Variants in GRM5 observed in about 807,000 individuals in gnomAD.
The protein encoded by GRM5 is glutamate metabotropic receptor 5.
A neutral mutation model predicts 83.1 loss-of-function variants in GRM5; 19 were observed. That is an observed-to-expected ratio of 0.23 (90% CI 0.16 to 0.34). The LOEUF (loss-of-function observed/expected upper bound fraction) is 0.34, where lower values mean the gene tolerates loss of function less well. GRM5 is among the 10% of genes least tolerant of loss of function. GRM5 has a pLI of 1.00. For missense variants in GRM5, 1,160 were observed against 1,588.3 expected, an observed-to-expected ratio of 0.73 and a Z score of 4.58; for synonymous variants, 675 against 633.6, an observed-to-expected ratio of 1.07 and a Z score of -0.98.
At chr11:88,628,725 A>G (rs924970926) in intron 4 of GRM5, among the ~76,000 whole-genome samples, 4 of 152,230 alleles carry the variant, frequency 2.6e-5, no homozygotes, top group African/African-American at 9.6e-5. Context: ...AATTAACAGT[A>G]GCTGCTATGA....
At chr11:88,695,289 G>GA (rs931810063) in intron 3 of GRM5, among the ~76,000 whole-genome samples, 34 of 150,860 alleles carry the variant, frequency 2.3e-4, no homozygotes, top group Admixed American at 1.6e-3. Flanking sequence ...CTTAGATGTT[G>GA]AAAAAAAAAG....
At position 88,508,963 on chromosome 11, in the gene GRM5, C is replaced by T; in HGVS notation, c.3268G>A (p.Gly1090Ser). The T allele has an allele frequency of 6.3e-7, 1 of 1,590,356 alleles. No individual in the cohort carries two copies. Among genetic ancestry groups the T allele is most frequent in the South Asian group, 1.1e-5 (1 of 87,236 alleles). The change falls in exon 10 of 10, where the codon GGC becomes AGC. Residue 1090 changes from glycine to serine, a missense_variant. By Grantham distance (56) the Gly-to-Ser change is moderately conservative. Coordinates refer to ENST00000305447, the MANE Select transcript of GRM5 (RefSeq NM_001143831.3). This position sits in a 1 kb window ranked among gnomAD's most constrained non-coding sequence, Gnocchi z 4.2. ...AGGTAGGACGAGCAGAGCGGGGCGC[C>T]GACGCCGGGGCTGGGGGCCGCGGTG... ...LSTAAPSPGV[G>S]APLCSSYLIP...
intron 3 of GRM5, among the ~76,000 whole-genome samples, chr11:88,668,980 A>G (rs1940123096): frequency 6.6e-6 from 1 of 152,178 alleles, no homozygotes; most frequent in South Asian, 2.1e-4. Context: ...AAGTGGTGCA[A>G]CCACTATGGA....
At chr11:88,693,607 C>T (rs543548460) in intron 3 of GRM5, among the ~76,000 whole-genome samples, 13 of 152,310 alleles carry the variant, frequency 8.5e-5, no homozygotes, top group African/African-American at 2.4e-4. Flanking sequence ...CCACCGATCA[C>T]GGTACTAGGA....
chr11:89,060,924 TTCAC>T (rs1286354814), intron 1 of GRM5, among the ~76,000 whole-genome samples: 35 of 152,176 alleles, frequency 2.3e-4, no homozygotes, highest in African/African-American at 8.0e-4. Context: ...TCTCCTAAGC[TTCAC>T]TCACTGACTA....
At chr11:88,926,912 A>G (rs1022790230) in intron 2 of GRM5, among the ~76,000 whole-genome samples, 1 of 152,176 alleles carries the variant, frequency 6.6e-6, no homozygotes, top group Admixed American at 6.6e-5. Flanking sequence ...TACATAAATT[A>G]ATTATTTGAT....
intron 2 of GRM5, among the ~76,000 whole-genome samples, chr11:88,991,365 A>ATACAAACAAAT: frequency 6.6e-6 from 1 of 151,990 alleles, no homozygotes. Context: ...ATAAAAGAGG[A>ATACAAACAAAT]TACAAACAAA....
At chr11:88,753,851 A>G (rs1942336462) in intron 3 of GRM5, among the ~76,000 whole-genome samples, 1 of 152,174 alleles carries the variant, frequency 6.6e-6, no homozygotes, top group Non-Finnish European at 1.5e-5. Flanking sequence ...CAGAAGATGA[A>G]AGGCACGTCT....
chr11:89,061,092 T>C (rs1941982031), intron 1 of GRM5, among the ~76,000 whole-genome samples: 1 of 152,160 alleles, frequency 6.6e-6, no homozygotes, highest in Non-Finnish European at 1.5e-5. Context: ...TATATGTATA[T>C]CAACATATAT....
At chr11:88,611,743 A>T (rs1938322959) in intron 4 of GRM5, among the ~76,000 whole-genome samples, 1 of 151,926 alleles carries the variant, frequency 6.6e-6, no homozygotes, top group African/African-American at 2.4e-5. Flanking sequence ...ATTATTTCTT[A>T]TCTTCTGCTA....
rs182247804 is a variant in GRM5, at chr11:88,595,368, C to T, written c.1563+1816G>A. Among the ~76,000 whole-genome samples the T allele has an allele frequency of 8.0e-4, 122 of 152,170 alleles. 1 individual carries two copies. Among genetic ancestry groups the T allele is most frequent in the African/African-American group, 2.9e-3 (121 of 41,568 alleles). ...TTCCTCCTATCTAGCTGTGATTTTG[C>T]TTCCTTTAACAAAGCTCTTCCTATC... is the stretch of plus-strand genomic sequence containing the variant. On this transcript the variant is annotated intron_variant, in intron 6 of 9. Transcript: ENST00000305447.
intron 3 of GRM5, among the ~76,000 whole-genome samples, chr11:88,845,148 G>A (rs886212944): frequency 1.3e-5 from 2 of 152,088 alleles, no homozygotes; most frequent in African/African-American, 4.8e-5. Flanking sequence ...TTTTGTGAAA[G>A]GAAGACTCAT....
intron 2 of GRM5, among the ~76,000 whole-genome samples, chr11:88,891,284 T>G (rs1449991226): frequency 1.3e-5 from 2 of 152,104 alleles, no homozygotes; most frequent in Non-Finnish European, 2.9e-5. Flanking sequence ...TATGAAAGGT[T>G]TTTGCCTTTT....
intron 2 of GRM5, among the ~76,000 whole-genome samples, chr11:88,958,481 TAA>T (rs201825276): frequency 0.02 from 2,971 of 152,074 alleles, 36 homozygotes; most frequent in Non-Finnish European, 0.03. Flanking sequence ...GAAAATATTC[TAA>T]AGAGAATAAA....
chr11:88,576,983 C>T (rs552350735), intron 7 of GRM5, among the ~76,000 whole-genome samples: 1 of 152,100 alleles, frequency 6.6e-6, no homozygotes, highest in Non-Finnish European at 1.5e-5. Flanking sequence ...TACTAAAAAG[C>T]ACTTTCCTAC....
rs144956991 is a variant in GRM5, at chr11:88,832,934, C to T, written c.911+16972G>A. Among the ~76,000 whole-genome samples the T allele has an allele frequency of 6.6e-3, 1,010 of 152,080 alleles. 10 individuals are homozygous for T. The highest frequency in any genetic ancestry group is 0.023 in the African/African-American group (972 of 41,494). On this transcript the variant is annotated intron_variant, in intron 3 of 9. Transcript: ENST00000305447. Reference sequence around the variant, plus strand: ...CCATATGCAGAAGACAGAAACAGGACCCCTAACTCTCATGATATATAAAAA... The same window carrying T: ...CCATATGCAGAAGACAGAAACAGGATCCCTAACTCTCATGATATATAAAAA...
At chr11:88,641,369 G>A (rs1939288453) in intron 4 of GRM5, among the ~76,000 whole-genome samples, 1 of 151,544 alleles carries the variant, frequency 6.6e-6, no homozygotes, top group South Asian at 2.1e-4. Flanking sequence ...GAGATTTAGA[G>A]AGGACACATT....
intron 8 of GRM5, among the ~76,000 whole-genome samples, chr11:88,544,350 G>A (rs1942343164): frequency 6.6e-6 from 1 of 152,128 alleles, no homozygotes; most frequent in Non-Finnish European, 1.5e-5. Context: ...CTGACTTCTG[G>A]TCACTCTTTT....
chr11:89,000,355 G>T (rs1306496442), intron 2 of GRM5, among the ~76,000 whole-genome samples: 1 of 152,134 alleles, frequency 6.6e-6, no homozygotes, highest in African/African-American at 2.4e-5. Context: ...TGTTATACTG[G>T]CAGAGGAACA....
Sources: gnomAD v4.1 joint callset for allele counts (sites outside exome capture counted in the v4.1 genomes callset) on GRCh38, gnomAD v4.1.1 for gene constraint, Gnocchi (gnomAD v3.1) non-coding constraint, MANE v1.5 for transcripts, NCBI Gene and HGNC (gene_info 2026-07-23, HGNC 2026-07-21) for gene names.